DHX34: variants seen among roughly 807,000 people sequenced by gnomAD.
DHX34 encodes DExH-box helicase 34.
Under a neutral mutation model 111.1 loss-of-function variants are expected in DHX34, and 96 were observed. The ratio of observed to expected loss-of-function variants is 0.86; its 90% confidence interval spans 0.73 to 1.02. The LOEUF (loss-of-function observed/expected upper bound fraction) is 1.02. Ranked by LOEUF, DHX34 falls within the 50% of genes least tolerant of loss-of-function variation. The pLI is 0.00. For synonymous variants in DHX34, 688 were observed against 670.4 expected, an observed-to-expected ratio of 1.03 and a Z score of -0.41; for missense variants, 1,560 against 1,579.9, an observed-to-expected ratio of 0.99 and a Z score of 0.21.
At chr19:47,369,969 G>A (rs923196314) in intron 7 of DHX34, among the ~76,000 whole-genome samples, 4 of 152,156 alleles carry the variant, frequency 2.6e-5, no homozygotes, top group Non-Finnish European at 5.9e-5. Flanking sequence ...GGTGCTCCTC[G>A]TCCCCACGCT....
intron 6 of DHX34, among the ~76,000 whole-genome samples, chr19:47,365,480 G>GA (rs1435889457): frequency 3.9e-5 from 6 of 152,102 alleles, no homozygotes; most frequent in African/African-American, 7.2e-5. Flanking sequence ...TTGAACTTCT[G>GA]ACCTCAGGTG....
chr19:47,373,961 G>A (rs1412506609), intron 9 of DHX34, among the ~76,000 whole-genome samples: 4 of 152,144 alleles, frequency 2.6e-5, no homozygotes, highest in Non-Finnish European at 4.4e-5. Context: ...CCGGACTGGG[G>A]ATGCTGAGCT....
intron 7 of DHX34, 88 bp from the exon 8 acceptor site, chr19:47,372,640 GCA>G: frequency 1.6e-6 from 2 of 1,282,400 alleles, no homozygotes; most frequent in Admixed American, 3.2e-5. Flanking sequence ...GAGCAGGAGG[GCA>G]GGCGGGAGGG....
At chr19:47,364,841 AAGT>A (rs1969742126) in intron 6 of DHX34, among the ~76,000 whole-genome samples, 1 of 152,152 alleles carries the variant, frequency 6.6e-6, no homozygotes, top group South Asian at 2.1e-4. Flanking sequence ...CACAGCTGGC[AAGT>A]AGTAGAGTCA....
At position 47,376,011 on chromosome 19, in the gene DHX34, C is replaced by G; in HGVS notation, c.2395C>G (p.Leu799Val). 6.2e-7 allele frequency: 1 copy of G among 1,605,238 alleles called. No individual in the cohort carries two copies. The highest frequency in any genetic ancestry group is 2.2e-4 in the Middle Eastern group (1 of 4,508). Residue 799 changes from leucine (L) to valine (V), a missense_variant, in exon 11 of 17, where the codon CTG becomes GTG. Leu to Val is a conservative substitution (Grantham distance 32). Transcript: ENST00000328771. ...GGACCTGAGCCGCGAGCAGCTGGCT[C>G]TGCTGAAGCTGGTGCTGGGCCGGGG... is the stretch of plus-strand genomic sequence containing the variant. ...AQDLSREQLA[L>V]LKLVLGRGLY...
intron 5 of DHX34, among the ~76,000 whole-genome samples, chr19:47,360,305 C>A (rs1969590858): frequency 6.6e-6 from 1 of 152,166 alleles, no homozygotes; most frequent in South Asian, 2.1e-4. Flanking sequence ...AATCTGAAAT[C>A]CTCCAGTGAG....
At chr19:47,370,176 G>A (rs1170654336) in intron 7 of DHX34, among the ~76,000 whole-genome samples, 3 of 152,182 alleles carry the variant, frequency 2.0e-5, no homozygotes, top group African/African-American at 7.2e-5. Flanking sequence ...TGCCCTGGTT[G>A]TGCGTGAGTG....
rs1290119408 is a variant in DHX34, at chr19:47,375,446, C to A, written c.2065-20C>A. 8.3e-6 allele frequency: 13 copies of A among 1,572,044 alleles called. No homozygotes were observed. Among genetic ancestry groups the A allele is most frequent in the Non-Finnish European group, 1.1e-5 (13 of 1,167,654 alleles). Reference sequence around the variant, plus strand: ...ACTGAGTCTGCCCTGAGGCCCTCACCCCTACCCACCTGCCCCTAGGAGCTG... The same window carrying A: ...ACTGAGTCTGCCCTGAGGCCCTCACACCTACCCACCTGCCCCTAGGAGCTG... On this transcript the variant is annotated intron_variant, in intron 9 of 16. Transcript: ENST00000328771.
Position 47,373,612 on chromosome 19 carries a change from G to T in DHX34, c.1976G>T (p.Arg659Leu). ...TCCTCCACCCAGGTGAAATCTGAAC[G>T]GAGCAGAAACTCTCGCAAGTGGTGC... ...FNAWVQVKSE[R>L]SRNSRKWCRR... The change falls in exon 9 of 17, where the codon CGG becomes CTG. Residue 659 changes from arginine (R) to leucine (L), a missense_variant. Coordinates refer to ENST00000328771, the MANE Select transcript of DHX34 (RefSeq NM_014681.6). 1.2e-6 allele frequency: 2 copies of T among 1,613,770 alleles called. No individual in the cohort carries two copies.
chr19:47,375,370 A>T (rs1342767301), intron 9 of DHX34, 96 bp from the exon 10 acceptor site: 1 of 1,440,080 alleles, frequency 6.9e-7, no homozygotes, highest in Non-Finnish European at 9.1e-7. Flanking sequence ...CCCTTTGGGC[A>T]CTAGCAGCCC....
chr19:47,381,803 G>A lies in DHX34; in HGVS notation c.3299-177G>A. 6.4e-6 allele frequency: 6 copies of A among 934,258 alleles called. 1 individual carries two copies. The highest frequency in any genetic ancestry group is 7.7e-6 in the Non-Finnish European group (6 of 783,328). 57.9% of individuals were successfully genotyped at this position (934,258 alleles called of 1,614,324 possible). ...TGTCTCTCTCACTGGCAGGGATGCG[G>A]AGTAAAGACAGACCTGTGTATTTTT... On this transcript the variant is annotated intron_variant, in intron 16 of 16. Coordinates refer to ENST00000328771, the MANE Select transcript of DHX34 (RefSeq NM_014681.6).
chr19:47,364,362 C>T (rs562263194), intron 6 of DHX34, among the ~76,000 whole-genome samples: 6 of 152,144 alleles, frequency 3.9e-5, no homozygotes, highest in Admixed American at 1.3e-4. Flanking sequence ...GGCTCACGTG[C>T]GGGTGTAGCA....
At chr19:47,354,155 G>T (rs969032903) in intron 2 of DHX34, among the ~76,000 whole-genome samples, 4 of 152,106 alleles carry the variant, frequency 2.6e-5, no homozygotes, top group Non-Finnish European at 4.4e-5. Flanking sequence ...TAGAGACGGG[G>T]TTTCACCATG....
At chr19:47,358,264 C>T (rs1249593558) in intron 4 of DHX34, 144 bp downstream of exon 4, 9 of 1,426,070 alleles carry the variant, frequency 6.3e-6, no homozygotes, top group Non-Finnish European at 8.3e-6. Context: ...CAGAGCCAGG[C>T]TGCGAACCCA....
In DHX34 at chr19:47,349,359, G is replaced by C. The variant is rs1969213113; in HGVS notation, c.-278+7G>C. 1 of 152,652 alleles carries C rather than the reference G, an allele frequency of 6.6e-6. No homozygotes were observed. The highest frequency in any genetic ancestry group is 1.5e-5 in the Non-Finnish European group (1 of 68,296). 9.5% of individuals were successfully genotyped at this position (152,652 alleles called of 1,614,324 possible). ...AAGGCGTTCGCGGCGTGTGGTAAGT[G>C]AGGGGGGCGGGACGGGTGTACCGGG... On this transcript the variant is annotated splice_region_variant and intron_variant, in intron 1 of 16. Transcript: ENST00000328771.
At chr19:47,378,283 G>T (rs1051301297) in intron 13 of DHX34, among the ~76,000 whole-genome samples, 2 of 150,838 alleles carry the variant, frequency 1.3e-5, no homozygotes, top group African/African-American at 5.0e-5. Flanking sequence ...CCGTCTGGTG[G>T]GCCAGGCACT....
At position 47,382,124 on chromosome 19, in the gene DHX34, G is replaced by A. The variant is rs1970385330; in HGVS notation, c.*11G>A. ...AAGCAGCACGTGTGAGCTGGGCCAG[G>A]AGCCCTGCCCACCTCCGTGCAGCTG... On this transcript the variant is annotated 3_prime_UTR_variant, in exon 17 of 17. Transcript: ENST00000328771. The A allele has an allele frequency of 6.2e-7, 1 of 1,613,588 alleles. No individual in the cohort carries two copies.
chr19:47,372,696 C>T (rs1970002144), intron 7 of DHX34, 34 bp from the exon 8 acceptor site: 4 of 1,543,782 alleles, frequency 2.6e-6, no homozygotes, highest in East Asian at 2.3e-5. Flanking sequence ...TGTCCTGGCA[C>T]CCAGGAGCCT....
At position 47,373,641 on chromosome 19, in the gene DHX34, C is replaced by A; in HGVS notation, c.2005C>A (p.Arg669Ser). ...CAGAAACTCTCGCAAGTGGTGCCGCCGCCGGGGCATAGAGGAGCATCGACT... is the reference window on the plus strand; with the variant it reads ...CAGAAACTCTCGCAAGTGGTGCCGCAGCCGGGGCATAGAGGAGCATCGACT... ...RSRNSRKWCR[R>S]RGIEEHRLYE... Residue 669 changes from arginine (R) to serine (S), a missense_variant, in exon 9 of 17, where the codon CGC becomes AGC. Coordinates refer to ENST00000328771, the MANE Select transcript of DHX34 (RefSeq NM_014681.6). 6.2e-7 allele frequency: 1 copy of A among 1,613,958 alleles called. No homozygotes were observed. Among genetic ancestry groups the A allele is most frequent in the Non-Finnish European group, 8.5e-7 (1 of 1,179,952 alleles).
Sources: gnomAD v4.1 joint callset for allele counts (sites outside exome capture counted in the v4.1 genomes callset) on GRCh38, gnomAD v4.1.1 for gene constraint, MANE v1.5 for transcripts, NCBI Gene and HGNC (gene_info 2026-07-23, HGNC 2026-07-21) for gene names.